DEK: variants seen among roughly 807,000 people sequenced by gnomAD.
The protein encoded by DEK is protein DEK.
In DEK, 28 loss-of-function variants were observed where a neutral mutation model predicts 46.8. The ratio of observed to expected loss-of-function variants is 0.60; its 90% CI spans 0.44 to 0.82. DEK has a LOEUF of 0.82. Among genes scored for constraint, DEK ranks in the 40% least tolerant of loss-of-function variants. DEK has a pLI of 0.00. For synonymous variants in DEK, 160 were observed against 144.5 expected, an observed-to-expected ratio of 1.11 and a Z score of -0.77; for missense variants, 416 against 430.6, an observed-to-expected ratio of 0.97 and a Z score of 0.30.
intron 6 of DEK, among the ~76,000 whole-genome samples, chr6:18,250,330 G>A (rs1211611507): frequency 3.9e-5 from 6 of 151,934 alleles, no homozygotes; most frequent in Admixed American, 2.0e-4. Context: ...TTAGCCGGGC[G>A]TGGTGGCGGG....
chr6:18,246,378 A>G (rs1322321549), intron 7 of DEK, among the ~76,000 whole-genome samples: 3 of 152,240 alleles, frequency 2.0e-5, no homozygotes, highest in Non-Finnish European at 4.4e-5. Context: ...ACTCTCACAA[A>G]GAATACTCTT....
intron 9 of DEK, among the ~76,000 whole-genome samples, chr6:18,228,764 C>T (rs1790255702): frequency 6.6e-6 from 1 of 152,228 alleles, no homozygotes; most frequent in Non-Finnish European, 1.5e-5. Flanking sequence ...GCCCACGGAG[C>T]CTCGCTCATT....
At chr6:18,253,886 C>G (rs1157186134) in intron 6 of DEK, among the ~76,000 whole-genome samples, 1 of 151,892 alleles carries the variant, frequency 6.6e-6, no homozygotes, top group African/African-American at 2.4e-5. Context: ...CTAATTTCTT[C>G]TTGAGACAGT....
chr6:18,237,226 A>C (rs1790693624), intron 8 of DEK, 155 bp downstream of exon 8: 1 of 846,562 alleles, frequency 1.2e-6, no homozygotes, highest in South Asian at 2.3e-5. Flanking sequence ...TTCCTGTCCC[A>C]AGCATTTCAG....
intron 9 of DEK, among the ~76,000 whole-genome samples, chr6:18,228,144 G>C (rs1466876044): frequency 1.3e-5 from 2 of 152,182 alleles, no homozygotes; most frequent in African/African-American, 4.8e-5. Context: ...TAAAGGGCTA[G>C]ATGGTACAAA....
chr6:18,242,942 C>T (rs1207038), intron 7 of DEK, among the ~76,000 whole-genome samples: 28,434 of 151,980 alleles, frequency 0.19, 3,025 homozygotes, highest in South Asian at 0.29. Context: ...GTTATGGCCA[C>T]AGTGCAGGAT....
chr6:18,246,721 C>T (rs139351683), intron 7 of DEK, among the ~76,000 whole-genome samples: 11 of 152,226 alleles, frequency 7.2e-5, no homozygotes, highest in Admixed American at 3.9e-4. Flanking sequence ...TAAACTTACT[C>T]GGCTTGCATA....
chr6:18,241,594 GTA>G (rs1421880567), intron 7 of DEK, among the ~76,000 whole-genome samples: 1 of 152,144 alleles, frequency 6.6e-6, no homozygotes, highest in Non-Finnish European at 1.5e-5. Flanking sequence ...CTGAGCACCT[GTA>G]TATGTTTTTG....
Position 18,250,374 on chromosome 6 carries a change from C to T in DEK, c.574-535G>A, listed in dbSNP as rs895366795. Among the ~76,000 whole-genome samples the T allele has an allele frequency of 7.2e-5, 11 of 151,978 alleles. 1 individual carries two copies. In the South Asian group the frequency reaches 2.3e-3, roughly 32 times the overall value. On this transcript the variant is annotated intron_variant, in intron 6 of 10. Transcript: ENST00000652689. ...GCCCCAGCTACTCGGGAGGCTGAGG[C>T]AGGAGAAAGGCGTGAACCCAGGAGG...
chr6:18,249,037 G>C (rs181675139), intron 7 of DEK, among the ~76,000 whole-genome samples: 1 of 152,254 alleles, frequency 6.6e-6, no homozygotes, highest in Admixed American at 6.5e-5. Flanking sequence ...CCTGACTGAA[G>C]AGGTTAACCC....
At chr6:18,237,318 T>A (rs1790696999) in intron 8 of DEK, 63 bp downstream of exon 8, 2 of 1,531,820 alleles carry the variant, frequency 1.3e-6, no homozygotes, top group Middle Eastern at 4.2e-4. Context: ...TTAAATACTA[T>A]GTACAACATA....
At chr6:18,243,906 G>A (rs567603684) in intron 7 of DEK, among the ~76,000 whole-genome samples, 1 of 152,262 alleles carries the variant, frequency 6.6e-6, no homozygotes, top group South Asian at 2.1e-4. Context: ...GTTCAAGGCT[G>A]CAGTGAGCCA....
At chr6:18,253,103 A>ATT (rs912873446) in intron 6 of DEK, among the ~76,000 whole-genome samples, 58 of 137,550 alleles carry the variant, frequency 4.2e-4, no homozygotes, top group African/African-American at 1.2e-3. Context: ...AGAACCCCAC[A>ATT]TTTTTTTTTT....
intron 8 of DEK, 182 bp downstream of exon 8, chr6:18,237,199 T>A (rs1330152181): frequency 5.1e-6 from 3 of 591,718 alleles, no homozygotes; most frequent in African/African-American, 3.9e-5. Flanking sequence ...ATATATATAT[T>A]GCAAAATCTG....
chr6:18,254,034 C>A (rs1335874278), intron 6 of DEK, among the ~76,000 whole-genome samples: 3 of 151,742 alleles, frequency 2.0e-5, no homozygotes, highest in Non-Finnish European at 2.9e-5. Flanking sequence ...CAATACATTG[C>A]AAAAGACTGA....
At chr6:18,237,961 G>A (rs925890803) in intron 7 of DEK, among the ~76,000 whole-genome samples, 7 of 144,962 alleles carry the variant, frequency 4.8e-5, no homozygotes, top group African/African-American at 7.6e-5. Context: ...CTGCCCTCCC[G>A]GGTTCAAGCG....
At chr6:18,237,333 T>C (rs1258907502) in intron 8 of DEK, 48 bp downstream of exon 8, 2 of 1,555,642 alleles carry the variant, frequency 1.3e-6, no homozygotes, top group Admixed American at 2.1e-5. Flanking sequence ...AACATATTAA[T>C]ATATGCTATA....
intron 10 of DEK, 187 bp from the exon 11 acceptor site, chr6:18,225,917 C>T (rs1477011685): frequency 5.5e-6 from 4 of 729,230 alleles, no homozygotes; most frequent in South Asian, 2.1e-5. Flanking sequence ...GTGAGAGCAA[C>T]GTTGAGATGC....
intron 4 of DEK, among the ~76,000 whole-genome samples, chr6:18,256,958 A>T (rs893398759): frequency 2.6e-5 from 4 of 152,220 alleles, no homozygotes; most frequent in Admixed American, 2.6e-4. Context: ...AAATGAGATT[A>T]ACAGACTCAC....
Sources: gnomAD v4.1 joint callset for allele counts (sites outside exome capture counted in the v4.1 genomes callset) on GRCh38, gnomAD v4.1.1 for gene constraint, MANE v1.5 for transcripts, NCBI Gene and HGNC (gene_info 2026-07-23, HGNC 2026-07-21) for gene names.